Variants in SLC36A1 observed in about 807,000 individuals in gnomAD.
The protein encoded by SLC36A1 is solute carrier family 36 member 1, also known as proton-coupled amino acid transporter 1.
SLC36A1 carries 30 observed loss-of-function variants against 47.5 expected under a neutral mutation model. That is an observed-to-expected ratio of 0.63 (90% CI 0.47 to 0.86). The LOEUF (loss-of-function observed/expected upper bound fraction) is 0.86. Among genes scored for constraint, SLC36A1 ranks in the 40% least tolerant of loss-of-function variants. The probability of loss-of-function intolerance (pLI) is 0.00; values close to 1 mark genes in which losing one functional copy is unlikely to be tolerated. For missense variants in SLC36A1, 517 were observed against 606.0 expected (o/e 0.85, Z 1.54); for synonymous variants, 255 against 249.7 (o/e 1.02, Z -0.20).
At chr5:151,512,698 T>G in the SLC36A1 span, 1 of 1,223,154 alleles carries the variant, frequency 8.2e-7, no homozygotes, top group South Asian at 1.5e-5. The surrounding 1 kb of genome is among the most constrained non-coding windows in gnomAD (Gnocchi z 4.1). Context: ...TTGTTTGTAT[T>G]TTTATGGGTA....
the SLC36A1 span, among the ~76,000 whole-genome samples, chr5:151,411,900 A>G: frequency 2.8e-5 from 4 of 144,988 alleles, 1 homozygote; most frequent in Non-Finnish European, 6.1e-5. Flanking sequence ...AGTTCCTACT[A>G]TTTTAAATAG....
intron 5 of SLC36A1, among the ~76,000 whole-genome samples, chr5:151,466,046 G>T (rs1384935098): frequency 2.0e-5 from 3 of 151,470 alleles, no homozygotes; most frequent in African/African-American, 7.3e-5. Context: ...CCTTTATCCT[G>T]TGATGCAGAT....
the SLC36A1 span, among the ~76,000 whole-genome samples, chr5:151,355,548 G>A: frequency 2.0e-5 from 3 of 152,118 alleles, no homozygotes; most frequent in Non-Finnish European, 4.4e-5. Context: ...AGCATTATCT[G>A]TAATAGCAAA....
chr5:151,436,750 C>T (rs139062823), upstream of SLC36A1, among the ~76,000 whole-genome samples: 390 of 151,998 alleles, frequency 2.6e-3, 1 homozygote, highest in Non-Finnish European at 4.5e-3. Flanking sequence ...TATCCAGTCA[C>T]GTTTGGTAGG....
At chr5:151,382,241 G>A in the SLC36A1 span, 1 of 1,328,854 alleles carries the variant, frequency 7.5e-7, no homozygotes, top group East Asian at 2.3e-5. Flanking sequence ...CACTCATCGA[G>A]ACTCACTACC....
intron 8 of SLC36A1, 67 bp from the exon 9 acceptor site, chr5:151,476,523 T>C: frequency 7.8e-7 from 1 of 1,279,396 alleles, no homozygotes; most frequent in Non-Finnish European, 1.1e-6. Flanking sequence ...CTGAGGTTTT[T>C]TTTTTTCTTG....
the SLC36A1 span, among the ~76,000 whole-genome samples, chr5:151,533,526 T>A: frequency 2.0e-5 from 3 of 151,962 alleles, no homozygotes; most frequent in Non-Finnish European, 4.4e-5. Flanking sequence ...CCTCCTTCAA[T>A]GCCAAGCTAA....
the SLC36A1 span, among the ~76,000 whole-genome samples, chr5:151,375,007 A>G: frequency 6.6e-6 from 1 of 150,990 alleles, no homozygotes; most frequent in Non-Finnish European, 1.5e-5. Flanking sequence ...TATCTTGCAG[A>G]TTGTCTGTTC....
intron 1 of SLC36A1, chr5:151,451,101 T>A (rs1406374070): frequency 6.6e-6 from 1 of 152,306 alleles, no homozygotes; most frequent in Non-Finnish European, 1.5e-5. Context: ...TAGGCTGAAA[T>A]AGGAACCACA....
chr5:151,427,996 C>T, the SLC36A1 span, among the ~76,000 whole-genome samples: 4 of 152,160 alleles, frequency 2.6e-5, no homozygotes, highest in African/African-American at 9.7e-5. Context: ...ACCAGCAGAT[C>T]CCTGGGACAC....
chr5:151,490,858 C>T lies in SLC36A1; in HGVS notation c.*2604C>T, dbSNP rs1033438314. The T allele has an allele frequency of 5.3e-5, 8 of 152,348 alleles. No individual in the cohort carries two copies. The highest frequency in any genetic ancestry group is 1.3e-4 in the Admixed American group (2 of 15,276). 9.4% of individuals were successfully genotyped at this position (152,348 alleles called of 1,614,324 possible). A position where few individuals can be genotyped will look rare whatever the true frequency, so the allele number is the denominator to read the frequency against. On this transcript the variant is annotated 3_prime_UTR_variant, in exon 11 of 11. Coordinates refer to ENST00000243389, the MANE Select transcript of SLC36A1 (RefSeq NM_078483.4). The stretch of plus-strand genomic sequence containing the variant: ...CCTTCCTCCTCTTATGCAAGCAGCT[C>T]GCAGCCAGCCCAGAATCTCTTATGC...
chr5:151,361,618 A>G, the SLC36A1 span, among the ~76,000 whole-genome samples: 1 of 152,214 alleles, frequency 6.6e-6, no homozygotes, highest in African/African-American at 2.4e-5. Context: ...ATTGCATACC[A>G]CAATTACAGT....
Position 151,479,377 on chromosome 5 carries a change from C to G in SLC36A1, c.1047C>G (p.Leu349=). ...TCGGGATCTTTTTCACCTACGCACT[C>G]CAGTTCTACGTCCCGGCTGAGATCA... ...YSIGIFFTYA[L]QFYVPAEIII... is the part of the protein sequence containing the mutation. The change falls in exon 10 of 11, where the codon CTC becomes CTG. Residue 349 remains leucine, a synonymous_variant. Transcript: ENST00000243389. 1.2e-6 allele frequency: 2 copies of G among 1,614,214 alleles called. No individual in the cohort carries two copies. The highest frequency in any genetic ancestry group is 1.6e-4 in the Middle Eastern group (1 of 6,062).
At chr5:151,371,699 G>C in the SLC36A1 span, among the ~76,000 whole-genome samples, 1 of 152,098 alleles carries the variant, frequency 6.6e-6, no homozygotes, top group Non-Finnish European at 1.5e-5. Context: ...TAGTGAATAG[G>C]ATTTTTTTTA....
the SLC36A1 span, among the ~76,000 whole-genome samples, chr5:151,348,788 C>T: frequency 6.6e-6 from 1 of 152,210 alleles, no homozygotes; most frequent in Non-Finnish European, 1.5e-5. Context: ...CTGGAGGTCA[C>T]AGCTGGAACT....
At chr5:151,389,473 C>T in the SLC36A1 span, among the ~76,000 whole-genome samples, 4 of 151,956 alleles carry the variant, frequency 2.6e-5, no homozygotes, top group Admixed American at 6.5e-5. Flanking sequence ...AGGTTTGTTA[C>T]GTATGTATAC....
intron 7 of SLC36A1, among the ~76,000 whole-genome samples, chr5:151,468,402 ATATT>A (rs1220004267): frequency 6.9e-6 from 1 of 144,618 alleles, no homozygotes; most frequent in South Asian, 2.1e-4. Flanking sequence ...TGCATAATAT[ATATT>A]ATATAATGTA....
At chr5:151,413,926 A>T in the SLC36A1 span, among the ~76,000 whole-genome samples, 1 of 152,158 alleles carries the variant, frequency 6.6e-6, no homozygotes, top group Non-Finnish European at 1.5e-5. Flanking sequence ...ATAAGATCTA[A>T]GTGAACACAG....
intron 1 of SLC36A1, among the ~76,000 whole-genome samples, chr5:151,440,045 G>A (rs1375158939): frequency 2.6e-5 from 4 of 152,158 alleles, no homozygotes; most frequent in Non-Finnish European, 4.4e-5. Context: ...ATACTACAGC[G>A]AAGAATTACC....
Sources: allele counts gnomAD v4.1 joint callset (sites outside exome capture counted in the v4.1 genomes callset), GRCh38; gene constraint gnomAD v4.1.1; non-coding constraint Gnocchi (gnomAD v3.1); transcripts MANE v1.5; gene names NCBI Gene and HGNC (gene_info 2026-07-23, HGNC 2026-07-21).